The following RNF19A variants were observed in gnomAD, a reference collection of about 807,000 sequenced individuals.
RNF19A encodes E3 ubiquitin-protein ligase RNF19A.
Under a neutral mutation model 75.7 loss-of-function variants are expected in RNF19A, and 32 were observed. That is an observed-to-expected ratio of 0.42 (90% CI 0.32 to 0.57). The LOEUF is 0.57. Ranked by LOEUF, RNF19A falls within the 20% of genes least tolerant of loss-of-function variation. The pLI is 0.10. For missense variants in RNF19A, 782 were observed against 1,036.3 expected (o/e 0.75, Z 3.37); for synonymous variants, 335 against 345.2 (o/e 0.97, Z 0.33).
At chr8:100,266,182 C>T (rs1380997613) in intron 5 of RNF19A, among the ~76,000 whole-genome samples, 1 of 152,174 alleles carries the variant, frequency 6.6e-6, no homozygotes, top group African/African-American at 2.4e-5. Context: ...TAAGTGAAGG[C>T]TCAGCTTTTG....
intron 2 of RNF19A, among the ~76,000 whole-genome samples, chr8:100,276,219 T>C (rs7017969): frequency 0.058 from 8,878 of 152,122 alleles, 857 homozygotes; most frequent in African/African-American, 0.2. Context: ...AAAAGGTAAA[T>C]GGTTAAATAA....
intron 1 of RNF19A, among the ~76,000 whole-genome samples, chr8:100,327,275 A>G (rs1456999063): frequency 3.7e-5 from 4 of 106,812 alleles, no homozygotes; most frequent in African/African-American, 1.2e-4. Flanking sequence ...TTTTTGAGAC[A>G]GAGTCTCACT....
chr8:100,268,747 G>T, intron 5 of RNF19A, 38 bp downstream of exon 5: 14 of 1,158,788 alleles, frequency 1.2e-5, no homozygotes, highest in South Asian at 2.0e-5. Context: ...TAAAGATTTA[G>T]AATAAGATAA....
rs1822394304 is a variant in RNF19A at position 100,317,127 on chromosome 8, G to GCCGCACGCAGCCCAGCCCGGTTC, written c.-242-3756_-242-3755insGAACCGGGCTGGGCTGCGTGCGG. On this transcript the variant is annotated intron_variant, in intron 1 of 3. Coordinates refer to the RNF19A transcript ENST00000519527. The surrounding 1 kb of genome is among the most constrained non-coding windows in gnomAD (Gnocchi z 4.3). ...CCGGAACTCCAGCTGGCCCGCAAGC[G>GCCGCACGCAGCCCAGCCCGGTTC]CCGCACGCAGCCCAGCCCGGGTTCC... Among the ~76,000 whole-genome samples the GCCGCACGCAGCCCAGCCCGGTTC allele has an allele frequency of 2.0e-5, 3 of 151,382 alleles. No homozygotes were observed. In the South Asian group the frequency reaches 6.3e-4, roughly 32 times the overall value.
rs927243989 is a variant in RNF19A, at chr8:100,296,255, C to T, written c.-93-7988G>A. On this transcript the variant is annotated intron_variant, in intron 1 of 9. Transcript: ENST00000341084. ...TAGTAGCTGTGACTACAGGCACGTGCCACCATGCCTGGCTAATTTTTGTAT... is the reference window on the plus strand; with the variant it reads ...TAGTAGCTGTGACTACAGGCACGTGTCACCATGCCTGGCTAATTTTTGTAT... Among the ~76,000 whole-genome samples the T allele has an allele frequency of 5.9e-4, 90 of 152,170 alleles. 4 individuals carry two copies. The highest frequency in any genetic ancestry group is 1.5e-5 in the Non-Finnish European group (1 of 68,032).
Position 100,258,589 on chromosome 8 carries a change from C to T in RNF19A, c.2484G>A (p.Met828Ile). Residue 828 changes from methionine (M) to isoleucine (I), a missense_variant, in exon 10 of 10, where the codon ATG (methionine) becomes ATA (isoleucine). Physicochemically the swap from Met to Ile is conservative, Grantham distance 10 (BLOSUM62 1). This residue lies in a region of RNF19A where 442 missense variants were observed against 541.6 expected (regional missense o/e 0.82). Coordinates refer to ENST00000341084, the MANE Select transcript of RNF19A (RefSeq NM_183419.4). The surrounding 1 kb of genome is among the most constrained non-coding windows in gnomAD (Gnocchi z 4.3). ...CAGTCTGAATTGCAACTTTTAATTC[C>T]ATTGTCTGATGTGAGTGGTTGTTAT... ...ETNNNHSHQT[M>I]ELKVAIQTEI 6.2e-7 allele frequency: 1 copy of T among 1,612,124 alleles called. No homozygotes were observed. Among genetic ancestry groups the T allele is most frequent in the Non-Finnish European group, 8.5e-7 (1 of 1,179,192 alleles).
At chr8:100,282,284 G>A (rs1820815095) in intron 2 of RNF19A, among the ~76,000 whole-genome samples, 1 of 152,078 alleles carries the variant, frequency 6.6e-6, no homozygotes, top group South Asian at 2.1e-4. Flanking sequence ...AACAATGTTT[G>A]GTATAGGAGT....
At chr8:100,310,220 G>C (rs1034566742), upstream of RNF19A, 3 of 985,064 alleles carry the variant, frequency 3.0e-6, no homozygotes, top group African/African-American at 3.5e-5. Flanking sequence ...CACGCCCACC[G>C]GGCCCGCTGC....
rs187261842 is a variant in RNF19A at position 100,293,363 on chromosome 8, T to C, written c.-93-5096A>G. Among the ~76,000 whole-genome samples, 384 of 152,342 alleles carry C rather than the reference T, an allele frequency of 2.5e-3. 3 individuals are homozygous for C. The highest frequency in any genetic ancestry group is 8.9e-3 in the African/African-American group (369 of 41,578). On this transcript the variant is annotated intron_variant, in intron 1 of 9. Coordinates refer to ENST00000341084, the MANE Select transcript of RNF19A (RefSeq NM_183419.4). ...TTTCACCTTCACGTTTTATGGATAT[T>C]TTTGCTGAATACAGAACTCCAGGTT...
chr8:100,294,821 C>G (rs570583290), intron 1 of RNF19A, among the ~76,000 whole-genome samples: 1 of 152,162 alleles, frequency 6.6e-6, no homozygotes, highest in East Asian at 1.9e-4. Context: ...CACAATATAA[C>G]TGCTTACTAG....
In RNF19A at chr8:100,258,825, A is replaced by G. The variant is rs201837276; in HGVS notation, c.2248T>C (p.Tyr750His). 1.9e-6 allele frequency: 3 copies of G among 1,614,194 alleles called. No individual in the cohort carries two copies. The highest frequency in any genetic ancestry group is 2.7e-5 in the African/African-American group (2 of 75,040). ...KTSCSHGSSDYHTRFATVNIL... is the reference protein window; with the variant it reads ...KTSCSHGSSDHHTRFATVNIL... ...TTAACAGTAGCAAAGCGGGTGTGAT[A>G]ATCACTGGAACCATGACTACAAGAA... The change falls in exon 10 of 10, where the codon TAT (tyrosine) becomes CAT (histidine). Residue 750 changes from tyrosine to histidine, a missense_variant. Around this residue, in one of 7 missense-constraint regions of RNF19A, gnomAD observed 442 missense variants for 541.6 expected, o/e 0.82. Coordinates refer to ENST00000341084, the MANE Select transcript of RNF19A (RefSeq NM_183419.4). The surrounding 1 kb of genome is among the most constrained non-coding windows in gnomAD (Gnocchi z 4.3).
chr8:100,303,623 G>A (rs527384451), intron 1 of RNF19A, among the ~76,000 whole-genome samples: 1 of 152,186 alleles, frequency 6.6e-6, no homozygotes, highest in Non-Finnish European at 1.5e-5. Flanking sequence ...TTTAACGTTT[G>A]TGCATAATTT....
upstream of RNF19A, chr8:100,313,227 A>T: frequency 3.1e-6 from 2 of 640,014 alleles, no homozygotes; most frequent in Non-Finnish European, 3.9e-6. Context: ...ATCCGTTTGC[A>T]TGGTGCTTAC....
intron 1 of RNF19A, among the ~76,000 whole-genome samples, chr8:100,290,721 T>C (rs7002937): frequency 0.073 from 11,126 of 152,246 alleles, 1,204 homozygotes; most frequent in African/African-American, 0.23. Flanking sequence ...TTAGGTGATT[T>C]TGTCGTGTGA....
rs1005437835 is a variant in RNF19A at position 100,324,831 on chromosome 8, CCTT to C, written c.-243+11274_-243+11276del. 1.3e-5 allele frequency among the ~76,000 whole-genome samples: 2 copies of C among 151,514 alleles called. No individual in the cohort carries two copies. Among genetic ancestry groups the C allele is most frequent in the African/African-American group, 4.9e-5 (2 of 41,234 alleles). ...CTTCTTCCTTCCTTCCTTCCTTCCT[CCTT>C]CTTCCTCCCTCCCTCCCTCCTTCCT... On this transcript the variant is annotated intron_variant, in intron 1 of 3. Coordinates refer to the RNF19A transcript ENST00000519527. The surrounding 1 kb of genome is among the most constrained non-coding windows in gnomAD (Gnocchi z 4.2).
At position 100,330,288 on chromosome 8, in the gene RNF19A, T is replaced by C. The variant is rs1320004807; in HGVS notation, c.-243+5820A>G. Among the ~76,000 whole-genome samples the C allele has an allele frequency of 1.3e-5, 2 of 152,222 alleles. No individual in the cohort carries two copies. The highest frequency in any genetic ancestry group is 4.8e-5 in the African/African-American group (2 of 41,454). On this transcript the variant is annotated intron_variant, in intron 1 of 3. Coordinates refer to the RNF19A transcript ENST00000519527. The surrounding 1 kb of genome is among the most constrained non-coding windows in gnomAD (Gnocchi z 4.1). ...TGTTTTTGACCATAGTGGACTGTTATTATTTTTATTATTTTCAACTGTTCA... is the reference window on the plus strand; with the variant it reads ...TGTTTTTGACCATAGTGGACTGTTACTATTTTTATTATTTTCAACTGTTCA...
intron 5 of RNF19A, among the ~76,000 whole-genome samples, chr8:100,268,101 T>C (rs1820073711): frequency 6.7e-6 from 1 of 149,610 alleles, no homozygotes; most frequent in African/African-American, 2.6e-5. Flanking sequence ...CCAAAGAAAA[T>C]TTCTTTTTTT....
At chr8:100,307,441 G>C (rs750619398) in intron 1 of RNF19A, among the ~76,000 whole-genome samples, 1 of 151,560 alleles carries the variant, frequency 6.6e-6, no homozygotes, top group Admixed American at 6.6e-5. Context: ...GATTAAAAAC[G>C]ACAACAACAA....
rs1252583142 is a variant in RNF19A, at chr8:100,294,086, A to G, written c.-93-5819T>C. Among the ~76,000 whole-genome samples the G allele has an allele frequency of 2.6e-5, 4 of 152,188 alleles. No individual in the cohort carries two copies. In the East Asian group the frequency reaches 7.7e-4, roughly 29 times the overall value. On this transcript the variant is annotated intron_variant, in intron 1 of 9. Coordinates refer to ENST00000341084, the MANE Select transcript of RNF19A (RefSeq NM_183419.4). ...CTGCTAATTGCAGAGTCTGCTACCT[A>G]TTTTTGAGGGAGTCTTGACATGGAA...
Sources: allele counts gnomAD v4.1 joint callset (sites outside exome capture counted in the v4.1 genomes callset), GRCh38; gene constraint gnomAD v4.1.1; regional missense constraint gnomAD v4.1.1; non-coding constraint Gnocchi (gnomAD v3.1); transcripts MANE v1.5; gene names NCBI Gene and HGNC (gene_info 2026-07-23, HGNC 2026-07-21).